POMT1: variants seen among roughly 807,000 people sequenced by gnomAD.
The protein encoded by POMT1 is protein O-mannosyltransferase 1.
POMT1 carries 85 observed loss-of-function variants against 101.6 expected under a neutral mutation model. The observed-to-expected ratio is 0.84, with a 90% CI of 0.70 to 1.00. The LOEUF is 1.00. POMT1 is among the 50% of genes least tolerant of loss of function. The pLI, the probability that POMT1 is intolerant of heterozygous loss-of-function variation, is 0.00. For synonymous variants in POMT1, 371 were observed against 383.0 expected (o/e 0.97, Z 0.37); for missense variants, 857 against 930.4 (o/e 0.92, Z 1.03).
In POMT1 at chr9:131,503,155, C is replaced by A. The variant is rs914826203; in HGVS notation, c.-31+82C>A. On this transcript the variant is annotated intron_variant, in intron 1 of 19. Transcript: ENST00000402686. The surrounding 1 kb of genome is among the most constrained non-coding windows in gnomAD (Gnocchi z 4.4). ...GTGCCGGACGCGGGTCCCTGGCTTG[C>A]GGACGGGCTGGGGCCGGGGGCGTCC... 1 of 152,298 alleles carries A rather than the reference C, an allele frequency of 6.6e-6. No homozygotes were observed. The highest frequency in any genetic ancestry group is 2.1e-4 in the South Asian group (1 of 4,836). The allele number at this position is 152,298 out of a possible 1,614,324, so 9.4% of individuals were successfully genotyped here.
At chr9:131,514,694 A>G (rs551363031) in intron 12 of POMT1, among the ~76,000 whole-genome samples, 58 of 152,180 alleles carry the variant, frequency 3.8e-4, no homozygotes, top group African/African-American at 1.3e-3. Context: ...GCTGGCTCAC[A>G]CCTGTAATCC....
At position 131,513,481 on chromosome 9, in the gene POMT1, C is replaced by T. The variant is rs915542989; in HGVS notation, c.1175+150C>T. The T allele has an allele frequency of 2.6e-5, 21 of 810,386 alleles. 1 individual carries two copies. Among genetic ancestry groups the T allele is most frequent in the South Asian group, 1.3e-4 (9 of 68,768 alleles). The allele number at this position is 810,386 out of a possible 1,614,324, so 50.2% of individuals were successfully genotyped here. ...CAGCTCTTAGACCTACATTTGATGC[C>T]GGGAGGGGACCCAGGCCTGGCCGCG... On this transcript the variant is annotated intron_variant, in intron 12 of 19. Transcript: ENST00000402686.
chr9:131,509,878 C>T lies in POMT1; in HGVS notation c.606-25C>T. 1.9e-6 allele frequency: 3 copies of T among 1,614,194 alleles called. No homozygotes were observed. The South Asian group carries it at 3.3e-5, about 18-fold the overall frequency. ...CTTATGTTTTCCTGTCTCATGTTAA[C>T]TCCATTTCTGTCATGTCTTTGCAGC... On this transcript the variant is annotated intron_variant, in intron 7 of 19. Coordinates refer to ENST00000402686, the MANE Select transcript of POMT1 (RefSeq NM_001077365.2).
intron 12 of POMT1, 89 bp downstream of exon 12, chr9:131,513,420 C>G: frequency 8.3e-7 from 1 of 1,198,440 alleles, no homozygotes; most frequent in Non-Finnish European, 1.2e-6. Context: ...TGCCTTGGGC[C>G]GCTGCCCCCT....
At chr9:131,508,202 A>C (rs1946278749) in intron 5 of POMT1, among the ~76,000 whole-genome samples, 2 of 149,150 alleles carry the variant, frequency 1.3e-5, no homozygotes. Context: ...GCGCCACTGC[A>C]CTCCAGCCTG....
At chr9:131,506,938 G>A (rs2131598947) in intron 4 of POMT1, among the ~76,000 whole-genome samples, 1 of 152,076 alleles carries the variant, frequency 6.6e-6, no homozygotes, top group Middle Eastern at 3.4e-3. Flanking sequence ...GTGGTGGCGG[G>A]CGCCTGTAGT....
Position 131,506,163 on chromosome 9 carries a change from ATCT to A in POMT1, c.180_182del (p.Phe60del), listed in dbSNP as rs750195040. The A allele has an allele frequency of 2.6e-5, 42 of 1,614,056 alleles. No homozygotes were observed. The highest frequency in any genetic ancestry group is 5.5e-5 in the South Asian group (5 of 91,082). ...GTACATCTCTTTTTACATGAAACAAATCTTCTTCTTGGATGACAGTGGGCCGCC... is the reference window on the plus strand; with the variant it reads ...GTACATCTCTTTTTACATGAAACAAATCTTCTTGGATGACAGTGGGCCGCC... On this transcript the variant is annotated inframe_deletion, in exon 3 of 20. Coordinates refer to ENST00000402686, the MANE Select transcript of POMT1 (RefSeq NM_001077365.2).
intron 9 of POMT1, chr9:131,510,663 C>T (rs930981070): frequency 7.6e-6 from 4 of 529,230 alleles, no homozygotes. Context: ...GCAACCACAC[C>T]CAGCTAATTT....
At chr9:131,505,140 C>T (rs530509827) in intron 2 of POMT1, among the ~76,000 whole-genome samples, 1 of 151,878 alleles carries the variant, frequency 6.6e-6, no homozygotes, top group South Asian at 2.1e-4. Flanking sequence ...AGCAGGGAGA[C>T]AAGTATAATG....
chr9:131,512,001 G>C, intron 10 of POMT1, 40 bp from the exon 11 acceptor site: 1 of 1,610,488 alleles, frequency 6.2e-7, no homozygotes, highest in South Asian at 1.1e-5. Flanking sequence ...CTGAGCCACC[G>C]CGCCTGGCCC....
intron 6 of POMT1, 72 bp from the exon 7 acceptor site, chr9:131,509,671 G>A (rs1487001584): frequency 5.6e-6 from 9 of 1,613,362 alleles, no homozygotes; most frequent in Non-Finnish European, 7.6e-6. Flanking sequence ...TCTGAAGAAT[G>A]TGGAGCTTCA....
chr9:131,516,131 C>T (rs1319800183), intron 13 of POMT1, among the ~76,000 whole-genome samples: 2 of 107,132 alleles, frequency 1.9e-5, no homozygotes, highest in African/African-American at 6.7e-5. Flanking sequence ...CTTCCTCACA[C>T]GGAACACTTC....
intron 2 of POMT1, 139 bp downstream of exon 2, chr9:131,504,479 C>A: frequency 1.6e-6 from 2 of 1,275,650 alleles, no homozygotes; most frequent in East Asian, 5.0e-5. Context: ...AGAGGAGAGA[C>A]CAGTCTGTCC....
intron 2 of POMT1, among the ~76,000 whole-genome samples, chr9:131,505,162 C>CA (rs1491465061): frequency 1.3e-5 from 2 of 150,358 alleles, no homozygotes; most frequent in Non-Finnish European, 2.9e-5. Context: ...ATGACCCCCC[C>CA]ACACACACCA....
chr9:131,523,280 T>A lies in POMT1; in HGVS notation c.*174T>A. On this transcript the variant is annotated 3_prime_UTR_variant, in exon 20 of 20. Coordinates refer to ENST00000402686, the MANE Select transcript of POMT1 (RefSeq NM_001077365.2). The stretch of plus-strand genomic sequence containing the variant: ...ATTGAAAAGCTCTCTGATGAGCACC[T>A]CCTTTTGTGCAAAGTTAATTTTTTC... 1.4e-6 allele frequency: 1 copy of A among 731,744 alleles called. No individual in the cohort carries two copies. The highest frequency in any genetic ancestry group is 1.7e-5 in the South Asian group (1 of 57,700). The allele number at this position is 731,744 out of a possible 1,614,324, so 45.3% of individuals were successfully genotyped here.
intron 2 of POMT1, among the ~76,000 whole-genome samples, chr9:131,505,295 G>A (rs1399957581): frequency 1.4e-5 from 1 of 69,456 alleles, no homozygotes; most frequent in Non-Finnish European, 2.7e-5. Flanking sequence ...TAAAAGATGA[G>A]GATTTTTTTT....
rs10901067 is a variant in POMT1 at position 131,511,868 on chromosome 9, C to T, written c.987-173C>T. The T allele has an allele frequency of 0.93, 651,280 of 701,156 alleles. 304,043 individuals carry two copies. Among genetic ancestry groups the T allele is most frequent in the South Asian group, 0.97 (56,414 of 58,144 alleles). The allele number at this position is 701,156 out of a possible 1,614,324, so 43.4% of individuals were successfully genotyped here. On this transcript the variant is annotated intron_variant, in intron 10 of 19. Coordinates refer to ENST00000402686, the MANE Select transcript of POMT1 (RefSeq NM_001077365.2). ...GACCCACTTCCAGATACGTTTCTTT[C>T]CCTTTCTTTTCTTTTTCTCATAAAT...
At position 131,519,946 on chromosome 9, in the gene POMT1, C is replaced by T. The variant is rs1360888920; in HGVS notation, c.1585-134C>T. The T allele has an allele frequency of 2.2e-5, 16 of 733,054 alleles. No individual in the cohort carries two copies. Among genetic ancestry groups the T allele is most frequent in the Middle Eastern group, 3.4e-4 (1 of 2,972 alleles). The allele number at this position is 733,054 out of a possible 1,614,324, so 45.4% of individuals were successfully genotyped here. The stretch of plus-strand genomic sequence containing the variant: ...ATCCAGGTTCTCATCATGCTGCCTC[C>T]GATGCATGATCCGAATGAACTTGAG... On this transcript the variant is annotated intron_variant, in intron 16 of 19. Transcript: ENST00000402686. The surrounding 1 kb of genome is among the most constrained non-coding windows in gnomAD (Gnocchi z 4.3).
At chr9:131,505,717 T>G (rs1467727616) in intron 2 of POMT1, among the ~76,000 whole-genome samples, 1 of 124,148 alleles carries the variant, frequency 8.1e-6, no homozygotes, top group East Asian at 2.6e-4. Context: ...GCCGTTTCAT[T>G]GGGTCATCGC....
Sources: gnomAD v4.1 joint callset for allele counts (sites outside exome capture counted in the v4.1 genomes callset) on GRCh38, gnomAD v4.1.1 for gene constraint, Gnocchi (gnomAD v3.1) non-coding constraint, MANE v1.5 for transcripts, NCBI Gene and HGNC (gene_info 2026-07-23, HGNC 2026-07-21) for gene names.